The following TTC1 variants were observed in gnomAD, a reference collection of about 807,000 sequenced individuals.
TTC1 encodes tetratricopeptide repeat domain 1.
TTC1 carries 31 observed loss-of-function variants against 37.6 expected under a neutral mutation model. The observed-to-expected ratio is 0.82, with a 90% CI of 0.62 to 1.11. TTC1 has a LOEUF of 1.11. TTC1 is among the 50% of genes most tolerant of loss of function. The pLI is 0.00. For synonymous variants in TTC1, 127 were observed against 122.4 expected (o/e 1.04, Z -0.25); for missense variants, 351 against 339.0 (o/e 1.04, Z -0.28).
At chr5:160,022,318 G>A (rs990168540) in intron 2 of TTC1, among the ~76,000 whole-genome samples, 21 of 152,102 alleles carry the variant, frequency 1.4e-4, no homozygotes, top group African/African-American at 4.8e-4. Context: ...TATTTATAAG[G>A]GACTAGAGAA....
intron 2 of TTC1, chr5:160,023,671 G>T: frequency 1.5e-6 from 2 of 1,363,894 alleles, no homozygotes; most frequent in Non-Finnish European, 2.1e-6. Flanking sequence ...AGGCTCAATG[G>T]GGACAAAGCC....
intron 1 of TTC1, 99 bp from the exon 2 acceptor site, chr5:160,010,401 T>C (rs1406698153): frequency 9.4e-6 from 6 of 638,722 alleles, no homozygotes. Flanking sequence ...AATTACGGTG[T>C]GTTTTTTGGC....
chr5:160,040,717 G>A (rs1757072687), intron 4 of TTC1, among the ~76,000 whole-genome samples: 1 of 151,892 alleles, frequency 6.6e-6, no homozygotes, highest in Non-Finnish European at 1.5e-5. Context: ...CAGCTGGGTA[G>A]CTGGGACTAC....
At chr5:160,028,461 G>A (rs1009126883) in intron 2 of TTC1, among the ~76,000 whole-genome samples, 2 of 150,992 alleles carry the variant, frequency 1.3e-5, no homozygotes, top group South Asian at 2.1e-4. Flanking sequence ...AATTTCTTTC[G>A]ATACAACTTC....
chr5:160,049,449 G>T, intron 5 of TTC1, 65 bp from the exon 6 acceptor site: 1 of 1,384,512 alleles, frequency 7.2e-7, no homozygotes, highest in South Asian at 1.6e-5. Context: ...GAAGGAATCT[G>T]ATATAGCCAA....
intron 6 of TTC1, 81 bp downstream of exon 6, chr5:160,049,743 C>A (rs1757352908): frequency 8.3e-7 from 1 of 1,198,696 alleles, no homozygotes; most frequent in Non-Finnish European, 1.1e-6. Context: ...TCCTTTCAGA[C>A]ACAATTAAAT....
chr5:160,010,756 G>A lies in TTC1; in HGVS notation c.228G>A (p.Ala76=), dbSNP rs1178034161. 2.5e-6 allele frequency: 4 copies of A among 1,614,060 alleles called. No homozygotes were observed. The highest frequency in any genetic ancestry group is 1.7e-5 in the Admixed American group (1 of 59,998). Residue 76 remains alanine, a synonymous_variant, in exon 2 of 8, where the codon GCG becomes GCA. Coordinates refer to ENST00000231238, the MANE Select transcript of TTC1 (RefSeq NM_003314.3). ...CCTCATTTGAGGAGGAGCCAGGAGC[G>A]GACAAGGTTGAGAACAAATCTAATG... ...CSASFEEEPG[A]DKVENKSNED...
At chr5:160,052,967 T>C (rs1223759229) in intron 7 of TTC1, among the ~76,000 whole-genome samples, 1 of 152,230 alleles carries the variant, frequency 6.6e-6, no homozygotes, top group African/African-American at 2.4e-5. Context: ...AATGGCTAGA[T>C]TCCTTTTTTC....
intron 4 of TTC1, among the ~76,000 whole-genome samples, 175 bp downstream of exon 4, chr5:160,036,978 G>T (rs1328588193): frequency 6.6e-6 from 1 of 152,174 alleles, no homozygotes; most frequent in Non-Finnish European, 1.5e-5. Context: ...ACTTGAGTCA[G>T]ATTACTGTTA....
chr5:160,036,295 T>C (rs1756997862), intron 3 of TTC1, among the ~76,000 whole-genome samples: 1 of 152,236 alleles, frequency 6.6e-6, no homozygotes, highest in Non-Finnish European at 1.5e-5. Context: ...TTTTTTTCTT[T>C]ATCTCAGGCC....
intron 2 of TTC1, among the ~76,000 whole-genome samples, chr5:160,015,069 T>C (rs571262685): frequency 3.4e-4 from 52 of 152,242 alleles, no homozygotes; most frequent in Non-Finnish European, 2.9e-4. Flanking sequence ...ATCTGGCCTA[T>C]CTATAGCCTA....
chr5:160,051,806 C>CT (rs1346157668), intron 7 of TTC1, among the ~76,000 whole-genome samples: 1 of 150,826 alleles, frequency 6.6e-6, no homozygotes, highest in African/African-American at 2.5e-5. Flanking sequence ...TGAACACAGA[C>CT]TTAAGTCTTT....
intron 2 of TTC1, among the ~76,000 whole-genome samples, chr5:160,029,138 A>C (rs990440334): frequency 6.6e-6 from 1 of 152,130 alleles, no homozygotes. Flanking sequence ...TCTGAGAACC[A>C]GAGTTTTCAC....
chr5:160,032,896 G>T (rs1368449352), intron 2 of TTC1, among the ~76,000 whole-genome samples: 2 of 150,174 alleles, frequency 1.3e-5, no homozygotes, highest in Admixed American at 1.3e-4. Context: ...TTTTTTGGGG[G>T]GGTATTTTTA....
At chr5:160,037,367 A>G (rs1170623044) in intron 4 of TTC1, among the ~76,000 whole-genome samples, 1 of 152,220 alleles carries the variant, frequency 6.6e-6, no homozygotes, top group Non-Finnish European at 1.5e-5. Flanking sequence ...TAACAAGGTG[A>G]GTATGGAATA....
chr5:160,022,218 A>G (rs1756722880), intron 2 of TTC1, among the ~76,000 whole-genome samples: 1 of 152,196 alleles, frequency 6.6e-6, no homozygotes, highest in Non-Finnish European at 1.5e-5. Context: ...TATAAGCTCA[A>G]AGTCAAGTGT....
At chr5:160,013,830 T>C (rs1433179079) in intron 2 of TTC1, among the ~76,000 whole-genome samples, 1 of 152,034 alleles carries the variant, frequency 6.6e-6, no homozygotes, top group Non-Finnish European at 1.5e-5. Context: ...GAGAGGATGT[T>C]GGAACTCATA....
At chr5:160,040,575 A>G (rs1487521821) in intron 4 of TTC1, among the ~76,000 whole-genome samples, 3 of 151,944 alleles carry the variant, frequency 2.0e-5, no homozygotes, top group African/African-American at 4.8e-5. Context: ...TATTTTCTTT[A>G]TGTCCTTTTC....
At chr5:160,014,987 G>A (rs565866346) in intron 2 of TTC1, among the ~76,000 whole-genome samples, 1 of 152,154 alleles carries the variant, frequency 6.6e-6, no homozygotes, top group African/African-American at 2.4e-5. Context: ...ATAGTGTAGT[G>A]TATTTTTTTG....
Sources: gnomAD v4.1 joint callset for allele counts (sites outside exome capture counted in the v4.1 genomes callset) on GRCh38, gnomAD v4.1.1 for gene constraint, MANE v1.5 for transcripts, NCBI Gene and HGNC (gene_info 2026-07-23, HGNC 2026-07-21) for gene names.